Variants in RAPGEF4 observed in about 807,000 individuals in gnomAD.
RAPGEF4 encodes the protein RAP guanine-nucleotide-exchange factor (GEF) 4.
A neutral mutation model predicts 147.9 loss-of-function variants in RAPGEF4; 66 were observed. That is an observed-to-expected ratio of 0.45 (90% CI 0.37 to 0.55). RAPGEF4 has a LOEUF of 0.55. Ranked by LOEUF, RAPGEF4 falls within the 20% of genes least tolerant of loss-of-function variation. The pLI is 0.00. For synonymous variants in RAPGEF4, 419 were observed against 442.7 expected, an observed-to-expected ratio of 0.95 and a Z score of 0.67; for missense variants, 1,071 against 1,257.3, an observed-to-expected ratio of 0.85 and a Z score of 2.24.
chr2:172,897,325 AT>A (rs1182068426), intron 4 of RAPGEF4, among the ~76,000 whole-genome samples: 4 of 152,050 alleles, frequency 2.6e-5, no homozygotes, highest in Non-Finnish European at 4.4e-5. Context: ...TGAGACTCAG[AT>A]TTGGGTGAAT....
rs377429927 is a variant in RAPGEF4, at chr2:172,988,728, C to T, written c.1263C>T (p.Phe421=). ...VVCTLHEGDD[F]GKLALVNDAP... ...GCACCCTGCATGAAGGAGATGACTT[C>T]GGCAAGTTAGCACTAGTGAATGATG... Residue 421 remains phenylalanine (F), a synonymous_variant, in exon 14 of 31, where the codon TTC becomes TTT. Transcript: ENST00000397081. 85 of 1,612,422 alleles carry T rather than the reference C, an allele frequency of 5.3e-5. No individual in the cohort carries two copies. In the East Asian group the frequency reaches 7.4e-4, roughly 14 times the overall value.
chr2:173,008,069 G>GC (rs11451480), intron 17 of RAPGEF4, among the ~76,000 whole-genome samples: 105,426 of 151,904 alleles, frequency 0.69, 36,966 homozygotes, highest in East Asian at 0.97. Context: ...ATCGGGTGTG[G>GC]CCCCCCCATG....
At position 172,797,570 on chromosome 2, in the gene RAPGEF4, C is replaced by A; in HGVS notation, c.254C>A (p.Ala85Glu). 1 of 1,613,808 alleles carries A rather than the reference C, an allele frequency of 6.2e-7. No homozygotes were observed. The highest frequency in any genetic ancestry group is 1.1e-5 in the South Asian group (1 of 90,968). The change falls in exon 3 of 31, where the codon GCA (alanine) becomes GAA (glutamate). Residue 85 changes from alanine (A) to glutamate (E), a missense_variant. By Grantham distance (107) the Ala-to-Glu change is moderately radical. Transcript: ENST00000397081. ...DIGTNWYAVL[A>E]GSLDVKVSET... ...GGAACAAACTGGTATGCTGTCCTGG[C>A]AGGGTCTTTGGATGTTAAAGTATCT...
At chr2:172,944,173 C>T (rs1687447879) in intron 6 of RAPGEF4, among the ~76,000 whole-genome samples, 1 of 152,080 alleles carries the variant, frequency 6.6e-6, no homozygotes, top group Non-Finnish European at 1.5e-5. Context: ...GTAAATGCAC[C>T]CTTGGTAAAT....
intron 3 of RAPGEF4, among the ~76,000 whole-genome samples, chr2:172,802,152 T>A (rs1454565569): frequency 6.6e-6 from 1 of 152,186 alleles, no homozygotes; most frequent in Non-Finnish European, 1.5e-5. Context: ...GTGATGCTAC[T>A]AATGGAAATG....
rs1005581676 is a variant in RAPGEF4 at position 172,744,939 on chromosome 2, T to A, written c.65+8891T>A. 1.4e-4 allele frequency among the ~76,000 whole-genome samples: 22 copies of A among 152,160 alleles called. 1 individual carries two copies. Among genetic ancestry groups the A allele is most frequent in the African/African-American group, 4.8e-4 (20 of 41,462 alleles). ...TTTCAAATGTTAAGCCAACCTTGCC[T>A]TCCTAGAATAGATACTACTTTGTCA... On this transcript the variant is annotated intron_variant, in intron 1 of 30. Transcript: ENST00000397081.
At position 172,860,293 on chromosome 2, in the gene RAPGEF4, G is replaced by A. The variant is rs1461929373; in HGVS notation, c.444+45868G>A. On this transcript the variant is annotated intron_variant, in intron 4 of 30. Coordinates refer to ENST00000397081, the MANE Select transcript of RAPGEF4 (RefSeq NM_007023.4). The stretch of plus-strand genomic sequence containing the variant: ...CTGCCGTGGTGGACCTGGGAGAAGT[G>A]TCTGGTGTAAGTTTCAGCTTGTTTT... The A allele has an allele frequency of 2.1e-5, 21 of 985,442 alleles. No homozygotes were observed. The Middle Eastern group carries it at 1.6e-3, about 74-fold the overall frequency. 61.0% of individuals were successfully genotyped at this position (985,442 alleles called of 1,614,324 possible). A position where few individuals can be genotyped will look rare whatever the true frequency, so the allele number is the denominator to read the frequency against.
In RAPGEF4 at chr2:172,850,653, C is replaced by T. The variant is rs184546103; in HGVS notation, c.444+36228C>T. Among the ~76,000 whole-genome samples, 616 of 152,122 alleles carry T rather than the reference C, an allele frequency of 4.0e-3. 3 individuals carry two copies. The highest frequency in any genetic ancestry group is 5.6e-3 in the Non-Finnish European group (378 of 67,970). ...AAATTAACAGATATTATTTAAAATG[C>T]AAGTAAATTTTATATAAAGTAAAGA... On this transcript the variant is annotated intron_variant, in intron 4 of 30. Coordinates refer to ENST00000397081, the MANE Select transcript of RAPGEF4 (RefSeq NM_007023.4).
chr2:172,911,262 G>C (rs935295254), intron 4 of RAPGEF4, among the ~76,000 whole-genome samples: 1 of 152,146 alleles, frequency 6.6e-6, no homozygotes, highest in African/African-American at 2.4e-5. Context: ...CAAGTTACGT[G>C]TCCCCCACAC....
chr2:172,897,083 C>T (rs1346593779), intron 4 of RAPGEF4, among the ~76,000 whole-genome samples: 1 of 152,144 alleles, frequency 6.6e-6, no homozygotes, highest in Non-Finnish European at 1.5e-5. Flanking sequence ...TGATCCCTCC[C>T]TCTGACAACC....
At chr2:172,821,869 G>T in intron 4 of RAPGEF4, 1 of 1,587,468 alleles carries the variant, frequency 6.3e-7, no homozygotes, top group South Asian at 1.2e-5. Flanking sequence ...CACGAACAGG[G>T]AATGAACGGC....
At chr2:173,023,099 A>G (rs1696268110) in intron 23 of RAPGEF4, among the ~76,000 whole-genome samples, 1 of 152,198 alleles carries the variant, frequency 6.6e-6, no homozygotes, top group African/African-American at 2.4e-5. Flanking sequence ...GCAGTGCAGC[A>G]AGGGCCATAG....
At chr2:172,830,758 C>T (rs1690210673) in intron 4 of RAPGEF4, among the ~76,000 whole-genome samples, 1 of 152,140 alleles carries the variant, frequency 6.6e-6, no homozygotes, top group Non-Finnish European at 1.5e-5. Flanking sequence ...CACGTGCCAC[C>T]ACACCTGGTT....
At chr2:172,876,934 G>A (rs1166169082) in intron 4 of RAPGEF4, among the ~76,000 whole-genome samples, 1 of 152,160 alleles carries the variant, frequency 6.6e-6, no homozygotes, top group African/African-American at 2.4e-5. Flanking sequence ...CCTGTTATTG[G>A]TCTATTCAGG....
intron 30 of RAPGEF4, among the ~76,000 whole-genome samples, chr2:173,049,889 T>C (rs1295647766): frequency 6.6e-6 from 1 of 152,208 alleles, no homozygotes; most frequent in Non-Finnish European, 1.5e-5. Flanking sequence ...AATAGATAAG[T>C]GACACCAGTT....
intron 17 of RAPGEF4, among the ~76,000 whole-genome samples, chr2:173,005,531 T>TTGTTG: frequency 1.4e-5 from 2 of 139,368 alleles, no homozygotes; most frequent in South Asian, 4.8e-4. Flanking sequence ...TTTTTTTTTT[T>TTGTTG]TTTTTTTTTT....
intron 3 of RAPGEF4, among the ~76,000 whole-genome samples, chr2:172,812,678 T>C (rs1339269326): frequency 6.6e-6 from 1 of 152,220 alleles, no homozygotes; most frequent in Non-Finnish European, 1.5e-5. Flanking sequence ...ACCATATATA[T>C]GTAAAATATG....
intron 22 of RAPGEF4, 71 bp from the exon 23 acceptor site, chr2:173,020,547 G>A: frequency 8.3e-7 from 1 of 1,202,174 alleles, no homozygotes; most frequent in Non-Finnish European, 1.2e-6. Context: ...GCAATTTGTT[G>A]GTGTGATTAG....
chr2:172,900,476 CA>C (rs1397231210), intron 4 of RAPGEF4, among the ~76,000 whole-genome samples: 4 of 152,186 alleles, frequency 2.6e-5, no homozygotes, highest in Admixed American at 1.3e-4. Flanking sequence ...TGGCCTCAAA[CA>C]ATCCCCCTAC....
Sources: gnomAD v4.1 joint callset for allele counts (sites outside exome capture counted in the v4.1 genomes callset) on GRCh38, gnomAD v4.1.1 for gene constraint, MANE v1.5 for transcripts, NCBI Gene and HGNC (gene_info 2026-07-23, HGNC 2026-07-21) for gene names.